The following GLIS3 variants were observed in gnomAD, a reference collection of about 807,000 sequenced individuals.
GLIS3 encodes zinc finger protein GLIS3.
GLIS3 carries 53 observed loss-of-function variants against 78.6 expected under a neutral mutation model. The observed-to-expected ratio is 0.67, with a 90% CI of 0.54 to 0.85. The LOEUF (loss-of-function observed/expected upper bound fraction) is 0.85, where lower values mean the gene tolerates loss of function less well. Among genes scored for constraint, GLIS3 ranks in the 40% least tolerant of loss-of-function variants. GLIS3 has a pLI of 0.00. For synonymous variants in GLIS3, 684 were observed against 509.9 expected, an observed-to-expected ratio of 1.34 and a Z score of -4.60; for missense variants, 1,703 against 1,231.1, an observed-to-expected ratio of 1.38 and a Z score of -5.74.
chr9:4,417,228 G>T, the GLIS3 span, among the ~76,000 whole-genome samples: 1 of 152,138 alleles, frequency 6.6e-6, no homozygotes, highest in Admixed American at 6.5e-5. Context: ...TTAAGTTTGT[G>T]ATTTATCTAA....
At chr9:4,308,293 G>A (rs1208397184) in intron 4 of GLIS3, among the ~76,000 whole-genome samples, 2 of 152,122 alleles carry the variant, frequency 1.3e-5, no homozygotes, top group South Asian at 4.1e-4. Context: ...TAAGAGGAGA[G>A]CAGCAGGGGG....
chr9:4,324,190 C>T (rs1016973591), intron 2 of GLIS3, among the ~76,000 whole-genome samples: 16 of 152,152 alleles, frequency 1.1e-4, no homozygotes, highest in Admixed American at 4.6e-4. Flanking sequence ...ATCACTTTAT[C>T]TTTATTTATG....
intron 8 of GLIS3, among the ~76,000 whole-genome samples, chr9:3,869,924 G>C (rs1820864583): frequency 6.6e-6 from 1 of 152,184 alleles, no homozygotes. Flanking sequence ...GCAGAGGAGA[G>C]GCTTCCTGCA....
intron 8 of GLIS3, among the ~76,000 whole-genome samples, chr9:3,865,097 G>T (rs10739002): frequency 0.65 from 98,888 of 151,980 alleles, 32,399 homozygotes; most frequent in African/African-American, 0.72. Context: ...GCCTAATGAT[G>T]TTCTCTGAGG....
intron 2 of GLIS3, among the ~76,000 whole-genome samples, chr9:4,340,407 G>A (rs1276505532): frequency 6.6e-6 from 1 of 151,990 alleles, no homozygotes; most frequent in Non-Finnish European, 1.5e-5. Context: ...CCAATTAAAA[G>A]GCAACTCAAT....
At chr9:4,180,326 C>T (rs1817194121) in intron 2 of GLIS3, among the ~76,000 whole-genome samples, 1 of 152,170 alleles carries the variant, frequency 6.6e-6, no homozygotes, top group African/African-American at 2.4e-5. Context: ...CCCTGCTCAC[C>T]AATTTAGTCG....
chr9:4,375,579 CATGGCTTTATA>C, the GLIS3 span, among the ~76,000 whole-genome samples: 1 of 152,190 alleles, frequency 6.6e-6, no homozygotes, highest in East Asian at 1.9e-4. Flanking sequence ...TCCACAGACA[CATGGCTTTATA>C]ATGTGTAAGG....
chr9:4,286,254 G>C lies in GLIS3; in HGVS notation c.172C>G (p.Leu58Val), dbSNP rs746041826. ...CCTCCTGAGGGCATCTTGAGATGGAGGTTGTTAGCAAGGCTTGCCATAGTG... is the reference window on the plus strand; with the variant it reads ...CCTCCTGAGGGCATCTTGAGATGGACGTTGTTAGCAAGGCTTGCCATAGTG... Reference protein sequence around the residue: ...SPTMASLANNLHLKMPSGGGM... With the variant: ...SPTMASLANNVHLKMPSGGGM... Residue 58 changes from leucine to valine, a missense_variant, in exon 2 of 11, where the codon CTC becomes GTC. Physicochemically the swap from Leu to Val is conservative, Grantham distance 32. Transcript: ENST00000381971. 7 of 1,614,220 alleles carry C rather than the reference G, an allele frequency of 4.3e-6. No individual in the cohort carries two copies. The Admixed American group carries it at 5.0e-5, about 12-fold the overall frequency.
intron 2 of GLIS3, among the ~76,000 whole-genome samples, chr9:4,208,265 T>G (rs1820056978): frequency 6.6e-6 from 1 of 152,194 alleles, no homozygotes; most frequent in Non-Finnish European, 1.5e-5. Flanking sequence ...ACAAAGGAGA[T>G]CTGATAATTA....
chr9:4,092,551 A>G (rs1013842380), intron 4 of GLIS3, among the ~76,000 whole-genome samples: 3 of 152,142 alleles, frequency 2.0e-5, no homozygotes, highest in African/African-American at 7.2e-5. Flanking sequence ...AAACTTTTTA[A>G]ATTTTTTGTT....
At chr9:4,219,669 C>G (rs574573454) in intron 2 of GLIS3, among the ~76,000 whole-genome samples, 1 of 152,266 alleles carries the variant, frequency 6.6e-6, no homozygotes, top group South Asian at 2.1e-4. Flanking sequence ...GGTCACTATT[C>G]TGAGCATCTT....
chr9:4,411,117 A>G, the GLIS3 span, among the ~76,000 whole-genome samples: 1 of 152,344 alleles, frequency 6.6e-6, no homozygotes, highest in East Asian at 1.9e-4. Context: ...ATGAAGCCAT[A>G]TTGTCAAAAC....
intron 2 of GLIS3, among the ~76,000 whole-genome samples, chr9:4,203,003 C>T (rs780148639): frequency 7.9e-5 from 12 of 152,088 alleles, no homozygotes; most frequent in African/African-American, 1.9e-4. Context: ...AACTTCTATA[C>T]GGCAAAAGAA....
chr9:4,120,714 A>G (rs1344358646), intron 3 of GLIS3, among the ~76,000 whole-genome samples: 1 of 152,210 alleles, frequency 6.6e-6, no homozygotes, highest in African/African-American at 2.4e-5. Flanking sequence ...GAACATAAAG[A>G]ACCAGAGCTT....
chr9:3,904,945 G>A (rs1294319846), intron 6 of GLIS3, among the ~76,000 whole-genome samples: 1 of 151,524 alleles, frequency 6.6e-6, no homozygotes, highest in African/African-American at 2.4e-5. Flanking sequence ...ACACTGCACA[G>A]GCTAACACAG....
chr9:4,438,781 T>A, the GLIS3 span, among the ~76,000 whole-genome samples: 5 of 152,214 alleles, frequency 3.3e-5, no homozygotes, highest in Admixed American at 3.3e-4. Flanking sequence ...TGCCGCCATG[T>A]AGGACGTGTC....
intron 9 of GLIS3, among the ~76,000 whole-genome samples, chr9:3,843,203 G>A (rs536138004): frequency 6.6e-6 from 1 of 152,154 alleles, no homozygotes; most frequent in African/African-American, 2.4e-5. Context: ...TTACTAACTA[G>A]GTGATTTTTT....
At chr9:4,192,808 TAA>T (rs60636471) in intron 2 of GLIS3, among the ~76,000 whole-genome samples, 110 of 142,430 alleles carry the variant, frequency 7.7e-4, no homozygotes, top group African/African-American at 1.9e-3. Flanking sequence ...ATACAATATT[TAA>T]AAAAAAAAAA....
the GLIS3 span, among the ~76,000 whole-genome samples, chr9:4,418,021 G>A: frequency 6.6e-6 from 1 of 152,098 alleles, no homozygotes; most frequent in Non-Finnish European, 1.5e-5. Flanking sequence ...ACTAAAACCC[G>A]CTAACACCTC....
Sources: allele counts gnomAD v4.1 joint callset (sites outside exome capture counted in the v4.1 genomes callset), GRCh38; gene constraint gnomAD v4.1.1; transcripts MANE v1.5; gene names NCBI Gene and HGNC (gene_info 2026-07-23, HGNC 2026-07-21).